RCHY1: variants seen among roughly 807,000 people sequenced by gnomAD.
The protein encoded by RCHY1 is ring finger and CHY zinc finger domain containing 1.
RCHY1 carries 21 observed loss-of-function variants against 41.6 expected under a neutral mutation model. That is an observed-to-expected ratio of 0.51 (90% CI 0.36 to 0.73). The LOEUF (loss-of-function observed/expected upper bound fraction) is 0.73, where lower values mean the gene tolerates loss of function less well. RCHY1 is among the 30% of genes least tolerant of loss of function. The pLI, the probability that RCHY1 is intolerant of heterozygous loss-of-function variation, is 0.00. For missense variants in RCHY1, 265 were observed against 325.3 expected (o/e 0.81, Z 1.43); for synonymous variants, 79 against 102.9 (o/e 0.77, Z 1.41).
chr4:75,486,361 CA>C, intron 8 of RCHY1, among the ~76,000 whole-genome samples: 1 of 151,858 alleles, frequency 6.6e-6, no homozygotes, highest in Non-Finnish European at 1.5e-5. Context: ...ACTTTTAAGT[CA>C]TTTATAAGTT....
At chr4:75,502,526 T>C (rs1723881477) in intron 3 of RCHY1, among the ~76,000 whole-genome samples, 1 of 151,816 alleles carries the variant, frequency 6.6e-6, no homozygotes, top group South Asian at 2.1e-4. Flanking sequence ...GGCGCCAGAG[T>C]GAGACTCCGT....
chr4:75,487,196 T>C (rs1463060388), intron 8 of RCHY1, among the ~76,000 whole-genome samples: 1 of 151,872 alleles, frequency 6.6e-6, no homozygotes, highest in African/African-American at 2.4e-5. Context: ...GTCCTAACAA[T>C]ACAAAAGTAA....
intron 8 of RCHY1, among the ~76,000 whole-genome samples, chr4:75,484,977 T>TA (rs985158075): frequency 2.0e-5 from 3 of 151,914 alleles, no homozygotes; most frequent in East Asian, 1.9e-4. Flanking sequence ...TTTATTGCCT[T>TA]AAAAAAAAGA....
At chr4:75,494,031 CATATT>C (rs1366841890) in intron 4 of RCHY1, 65 bp downstream of exon 4, 2 of 892,410 alleles carry the variant, frequency 2.2e-6, no homozygotes, top group African/African-American at 3.6e-5. Flanking sequence ...GCTTCCAAAA[CATATT>C]AGAAGTTAAG....
In RCHY1 at chr4:75,491,736, T is replaced by C; in HGVS notation, c.497A>G (p.His166Arg). 2 of 1,612,822 alleles carry C rather than the reference T, an allele frequency of 1.2e-6. No individual in the cohort carries two copies. The highest frequency in any genetic ancestry group is 1.7e-6 in the Non-Finnish European group (2 of 1,179,192). Reference protein sequence around the residue: ...RVVAHVLPCGHLLHRTCYEEM... With the variant: ...RVVAHVLPCGRLLHRTCYEEM... ...GATGTTACTTTACCTATGTAAAAGA[T>C]GTCCACATGGCAAGACATGAGCAAC... The change falls in exon 6 of 9, where the codon CAT becomes CGT. Residue 166 changes from histidine to arginine, a missense_variant. Coordinates refer to ENST00000324439, the MANE Select transcript of RCHY1 (RefSeq NM_015436.4).
At position 75,482,465 on chromosome 4, in the gene RCHY1, T is replaced by C; in HGVS notation, c.*73A>G. 7.1e-7 allele frequency: 1 copy of C among 1,411,232 alleles called. No individual in the cohort carries two copies. Among genetic ancestry groups the C allele is most frequent in the Non-Finnish European group, 9.5e-7 (1 of 1,048,518 alleles). 87.4% of individuals were successfully genotyped at this position (1,411,232 alleles called of 1,614,324 possible). ...ACTCTAATGCATAGATGACGACACA[T>C]GATAACACGATACCAAGGAAAGCCT... On this transcript the variant is annotated 3_prime_UTR_variant, in exon 9 of 9. Transcript: ENST00000324439.
At chr4:75,487,610 TTC>T in intron 8 of RCHY1, among the ~76,000 whole-genome samples, 1 of 27,396 alleles carries the variant, frequency 3.7e-5, no homozygotes, top group Non-Finnish European at 6.2e-5. Flanking sequence ...TTCATATATA[TTC>T]ATAATATATA....
At position 75,480,605 on chromosome 4, in the gene RCHY1, A is replaced by G. The variant is rs557314996; in HGVS notation, c.*1933T>C. 14 of 152,362 alleles carry G rather than the reference A, an allele frequency of 9.2e-5. No homozygotes were observed. The highest frequency in any genetic ancestry group is 5.2e-4 in the Admixed American group (8 of 15,298). 9.4% of individuals were successfully genotyped at this position (152,362 alleles called of 1,614,324 possible). On this transcript the variant is annotated 3_prime_UTR_variant, in exon 9 of 9. Transcript: ENST00000324439. ...ATGACCCAGCACAGATGTTGAAAAC[A>G]GAAGAGCCTTATTATTATATACTCA...
chr4:75,482,738 C>G, intron 8 of RCHY1, 72 bp from the exon 9 acceptor site: 1 of 1,025,652 alleles, frequency 9.7e-7, no homozygotes, highest in Non-Finnish European at 1.3e-6. Context: ...ACTCATAATC[C>G]CTTGAAAATC....
chr4:75,494,696 T>A (rs941038349), intron 3 of RCHY1, among the ~76,000 whole-genome samples: 3 of 151,978 alleles, frequency 2.0e-5, no homozygotes, highest in Admixed American at 2.0e-4. Context: ...ATGTTGATTA[T>A]TTTTTACGAG....
At chr4:75,493,000 A>C (rs900943794) in intron 4 of RCHY1, among the ~76,000 whole-genome samples, 1 of 152,010 alleles carries the variant, frequency 6.6e-6, no homozygotes, top group African/African-American at 2.4e-5. Context: ...CTCTGAGTTG[A>C]TGGAATGTAA....
chr4:75,506,098 G>A (rs1439310674), intron 3 of RCHY1, among the ~76,000 whole-genome samples: 1 of 129,932 alleles, frequency 7.7e-6, no homozygotes, highest in Admixed American at 7.6e-5. Context: ...TAAGAATAAA[G>A]GGAGGAAAAA....
At chr4:75,500,100 G>A (rs527600473) in intron 3 of RCHY1, among the ~76,000 whole-genome samples, 19 of 152,054 alleles carry the variant, frequency 1.2e-4, no homozygotes, top group East Asian at 1.2e-3. Flanking sequence ...ATGATTGTGC[G>A]ATTGCACTCC....
intron 8 of RCHY1, among the ~76,000 whole-genome samples, chr4:75,485,795 C>G (rs1294326889): frequency 6.6e-6 from 1 of 152,138 alleles, no homozygotes; most frequent in Non-Finnish European, 1.5e-5. Flanking sequence ...TAGGAAAGCT[C>G]TAAGATCTGC....
intron 1 of RCHY1, among the ~76,000 whole-genome samples, chr4:75,512,301 A>T (rs1724967393): frequency 6.6e-6 from 1 of 152,224 alleles, no homozygotes; most frequent in South Asian, 2.1e-4. Flanking sequence ...CACTCTGCTG[A>T]TGACCTTATT....
At chr4:75,499,858 A>G (rs1423925071) in intron 3 of RCHY1, among the ~76,000 whole-genome samples, 29 of 152,242 alleles carry the variant, frequency 1.9e-4, no homozygotes, top group Non-Finnish European at 1.5e-5. Context: ...GGTGTTTGAT[A>G]GACCAGTAGG....
intron 2 of RCHY1, 57 bp from the exon 3 acceptor site, chr4:75,508,992 T>G: frequency 7.6e-7 from 1 of 1,323,344 alleles, no homozygotes; most frequent in Non-Finnish European, 1.1e-6. Context: ...AGTTACCATT[T>G]GAATATCTAG....
chr4:75,480,003 G>C lies in RCHY1; in HGVS notation c.*2535C>G, dbSNP rs1031791354. On this transcript the variant is annotated 3_prime_UTR_variant, in exon 9 of 9. Coordinates refer to ENST00000324439, the MANE Select transcript of RCHY1 (RefSeq NM_015436.4). ...AGTCAGAGAAAGAAAAAATATTTAAGGGTAAAGTTATGTATTTTAAGTTTT... is the reference window on the plus strand; with the variant it reads ...AGTCAGAGAAAGAAAAAATATTTAACGGTAAAGTTATGTATTTTAAGTTTT... The C allele has an allele frequency of 3.3e-5, 5 of 152,130 alleles. No individual in the cohort carries two copies. Among genetic ancestry groups the C allele is most frequent in the African/African-American group, 1.2e-4 (5 of 41,416 alleles). 9.4% of individuals were successfully genotyped at this position (152,130 alleles called of 1,614,324 possible).
In RCHY1 at chr4:75,509,227, G is replaced by A. The variant is rs149926570; in HGVS notation, c.160C>T (p.Arg54Cys). The change falls in exon 2 of 9, where the codon CGC becomes TGC. Residue 54 changes from arginine (R) to cysteine (C), a missense_variant. Coordinates refer to ENST00000324439, the MANE Select transcript of RCHY1 (RefSeq NM_015436.4). ...HDNNEDHQLD[R>C]FKVKEVQCIN... The stretch of plus-strand genomic sequence containing the variant: ...CACTGCACTTCCTTCACTTTAAAGC[G>A]ATCTAGTTGATGATCTTCATTGTTA... 6 of 1,612,622 alleles carry A rather than the reference G, an allele frequency of 3.7e-6. No individual in the cohort carries two copies. The highest frequency in any genetic ancestry group is 4.2e-6 in the Non-Finnish European group (5 of 1,179,176).
Sources: gnomAD v4.1 joint callset for allele counts (sites outside exome capture counted in the v4.1 genomes callset) on GRCh38, gnomAD v4.1.1 for gene constraint, MANE v1.5 for transcripts, NCBI Gene and HGNC (gene_info 2026-07-23, HGNC 2026-07-21) for gene names.